Variants in MDGA2 observed in about 807,000 individuals in gnomAD.
MDGA2 encodes MAM domain containing glycosylphosphatidylinositol anchor 2.
Under a neutral mutation model 117.8 loss-of-function variants are expected in MDGA2, and 40 were observed. The observed-to-expected ratio is 0.34, with a 90% CI of 0.26 to 0.44. The LOEUF is 0.44. Ranked by LOEUF, MDGA2 falls within the 20% of genes least tolerant of loss-of-function variation. The pLI is 1.00. For synonymous variants in MDGA2, 452 were observed against 439.0 expected (o/e 1.03, Z -0.37); for missense variants, 1,123 against 1,250.6 (o/e 0.90, Z 1.54).
chr14:47,143,268 C>T (rs554696341), intron 4 of MDGA2, among the ~76,000 whole-genome samples: 45 of 152,242 alleles, frequency 3.0e-4, no homozygotes, highest in African/African-American at 1.0e-3. Flanking sequence ...TGAGCCACCA[C>T]GCCTAGCCAA....
intron 1 of MDGA2, among the ~76,000 whole-genome samples, chr14:47,404,227 C>T (rs1438934781): frequency 6.6e-6 from 1 of 151,868 alleles, no homozygotes; most frequent in Non-Finnish European, 1.5e-5. Flanking sequence ...GCTCTTTCAC[C>T]CAGGCTGGAG....
intron 14 of MDGA2, among the ~76,000 whole-genome samples, chr14:46,865,391 C>G (rs1156782315): frequency 6.6e-6 from 1 of 151,912 alleles, no homozygotes; most frequent in Non-Finnish European, 1.5e-5. Context: ...GGACGTATCT[C>G]AAAATAATAA....
intron 1 of MDGA2, among the ~76,000 whole-genome samples, chr14:47,434,619 T>C (rs1892862011): frequency 6.6e-6 from 1 of 150,934 alleles, no homozygotes. Context: ...AATGATAAGA[T>C]ACCCTAAGGA....
chr14:47,079,748 T>TTTTTTTC (rs1441288418), intron 6 of MDGA2, among the ~76,000 whole-genome samples: 3 of 144,408 alleles, frequency 2.1e-5, no homozygotes, highest in Non-Finnish European at 3.0e-5. Context: ...TTTTTTTTTT[T>TTTTTTTC]TGAGACAGAG....
At chr14:47,515,617 G>GT (rs1454067092) in intron 1 of MDGA2, among the ~76,000 whole-genome samples, 1 of 152,038 alleles carries the variant, frequency 6.6e-6, no homozygotes, top group Non-Finnish European at 1.5e-5. Flanking sequence ...AAGGGGGTTA[G>GT]TTTTAACTCT....
At chr14:47,065,984 C>A (rs934776700) in intron 6 of MDGA2, among the ~76,000 whole-genome samples, 1 of 152,146 alleles carries the variant, frequency 6.6e-6, no homozygotes, top group South Asian at 2.1e-4. Context: ...AATCAATTTC[C>A]TATTTATTCT....
intron 1 of MDGA2, among the ~76,000 whole-genome samples, chr14:47,377,737 ACAG>A (rs1891512695): frequency 6.6e-6 from 1 of 152,178 alleles, no homozygotes; most frequent in Non-Finnish European, 1.5e-5. Context: ...GGTGGAGCCC[ACAG>A]CAGCTCAAGG....
intron 1 of MDGA2, among the ~76,000 whole-genome samples, chr14:47,307,525 A>G (rs1172924452): frequency 1.3e-5 from 2 of 152,084 alleles, no homozygotes; most frequent in Admixed American, 1.3e-4. Context: ...TACTGGAAAT[A>G]CAAAAATTAG....
intron 9 of MDGA2, among the ~76,000 whole-genome samples, chr14:46,925,341 T>C (rs1884284751): frequency 6.6e-6 from 1 of 151,522 alleles, no homozygotes; most frequent in African/African-American, 2.4e-5. Flanking sequence ...AAAAATAAAA[T>C]AGAATTTAGG....
intron 2 of MDGA2, among the ~76,000 whole-genome samples, chr14:47,224,283 T>TGATATAGATATAGATATA (rs3039434): frequency 0.099 from 13,304 of 134,040 alleles, 863 homozygotes; most frequent in East Asian, 0.24. Flanking sequence ...CAATAGAGTC[T>TGATATAGATATAGATATA]GATATAGATA....
chr14:47,155,709 C>T (rs1224874712), intron 3 of MDGA2, among the ~76,000 whole-genome samples: 1 of 151,936 alleles, frequency 6.6e-6, no homozygotes, highest in Non-Finnish European at 1.5e-5. Flanking sequence ...GCCAGTAGCG[C>T]AAGCTGAGCA....
intron 3 of MDGA2, among the ~76,000 whole-genome samples, chr14:47,192,198 T>G (rs1253076411): frequency 6.6e-6 from 1 of 152,118 alleles, no homozygotes; most frequent in African/African-American, 2.4e-5. Flanking sequence ...CTTTTCTAAT[T>G]CTTTGAAAAG....
Position 47,068,878 on chromosome 14 carries a change from G to A in MDGA2, c.1196-7300C>T, listed in dbSNP as rs185101173. ...TCTAAAATCTTTCGTTACCTTTCTT[G>A]AGCTTTTTTGTTTTCTGTCTCGTAA... On this transcript the variant is annotated intron_variant, in intron 6 of 16. Transcript: ENST00000399232. Among the ~76,000 whole-genome samples, 671 of 152,174 alleles carry A rather than the reference G, an allele frequency of 4.4e-3. 3 individuals carry two copies. Among genetic ancestry groups the A allele is most frequent in the African/African-American group, 0.015 (635 of 41,522 alleles).
At chr14:47,627,701 C>G (rs1358411800) in intron 1 of MDGA2, among the ~76,000 whole-genome samples, 1 of 152,176 alleles carries the variant, frequency 6.6e-6, no homozygotes, top group Non-Finnish European at 1.5e-5. Context: ...TAAAAGCAGT[C>G]TGCCCCAGCC....
At chr14:46,881,698 T>TGCTCCCC (rs1882466577) in intron 11 of MDGA2, among the ~76,000 whole-genome samples, 1 of 152,082 alleles carries the variant, frequency 6.6e-6, no homozygotes, top group African/African-American at 2.4e-5. Context: ...ATTTTGATCT[T>TGCTCCCC]TTTTTACTTC....
At chr14:46,916,314 A>C (rs1883895632) in intron 10 of MDGA2, among the ~76,000 whole-genome samples, 1 of 152,150 alleles carries the variant, frequency 6.6e-6, no homozygotes, top group African/African-American at 2.4e-5. Context: ...AGAAACGTAC[A>C]GAGACCTGAG....
At chr14:47,344,148 C>A (rs1890711421) in intron 1 of MDGA2, among the ~76,000 whole-genome samples, 1 of 152,076 alleles carries the variant, frequency 6.6e-6, no homozygotes, top group African/African-American at 2.4e-5. Flanking sequence ...AAAAACATTT[C>A]TTTTGAGGGT....
chr14:46,967,046 T>C (rs187461041), intron 8 of MDGA2, among the ~76,000 whole-genome samples: 1 of 140,178 alleles, frequency 7.1e-6, no homozygotes, highest in African/African-American at 2.5e-5. Flanking sequence ...ATTTTTTTAA[T>C]TTTAAAAACA....
chr14:47,152,580 T>C (rs941612973), intron 3 of MDGA2, among the ~76,000 whole-genome samples: 3 of 152,190 alleles, frequency 2.0e-5, no homozygotes, highest in East Asian at 1.9e-4. Flanking sequence ...AAAATGTTTA[T>C]GTTCATTATC....
Sources: allele counts gnomAD v4.1 joint callset (sites outside exome capture counted in the v4.1 genomes callset), GRCh38; gene constraint gnomAD v4.1.1; transcripts MANE v1.5; gene names NCBI Gene and HGNC (gene_info 2026-07-23, HGNC 2026-07-21).